Variants in CPSF3 observed in about 807,000 individuals in gnomAD.
CPSF3 encodes the protein cleavage and polyadenylation specific factor 3.
A neutral mutation model predicts 84.1 loss-of-function variants in CPSF3; 57 were observed. The observed-to-expected ratio is 0.68, with a 90% CI of 0.55 to 0.85. The LOEUF (loss-of-function observed/expected upper bound fraction) is 0.85, where lower values mean the gene tolerates loss of function less well. Among genes scored for constraint, CPSF3 ranks in the 40% least tolerant of loss-of-function variants. The pLI is 0.00. For missense variants in CPSF3, 522 were observed against 838.8 expected (o/e 0.62, Z 4.66); for synonymous variants, 275 against 278.1 (o/e 0.99, Z 0.11).
Position 9,456,913 on chromosome 2 carries a change from T to C in CPSF3, c.1604-20T>C, listed in dbSNP as rs750890709. On this transcript the variant is annotated intron_variant, in intron 13 of 17. Transcript: ENST00000238112. ...TTATCAGAAAAGTATATACATCTTA[T>C]AGTTATGTCTTTCTTTCAGGTGATG... 5.0e-6 allele frequency: 7 copies of C among 1,411,150 alleles called. No individual in the cohort carries two copies. Among genetic ancestry groups the C allele is most frequent in the Non-Finnish European group, 6.9e-6 (7 of 1,010,270 alleles). The allele number at this position is 1,411,150 out of a possible 1,614,324, so 87.4% of individuals were successfully genotyped here. A position where few individuals can be genotyped will look rare whatever the true frequency, so the allele number is the denominator to read the frequency against.
intron 13 of CPSF3, among the ~76,000 whole-genome samples, chr2:9,456,330 T>C (rs1290914021): frequency 6.6e-6 from 1 of 152,244 alleles, no homozygotes; most frequent in Non-Finnish European, 1.5e-5. Context: ...AGAGCAAGAA[T>C]ACTTCATATT....
chr2:9,428,897 T>C, intron 2 of CPSF3, 69 bp downstream of exon 2: 4 of 897,224 alleles, frequency 4.5e-6, no homozygotes, highest in South Asian at 1.4e-5. Context: ...TCTTTTCTCA[T>C]AGACTAGTTA....
At chr2:9,424,109 C>T (rs1353226275) in intron 1 of CPSF3, 2 of 1,173,774 alleles carry the variant, frequency 1.7e-6, no homozygotes, top group East Asian at 4.7e-5. Context: ...CTTTCGTACA[C>T]GCTAAGAAGC....
rs1269313521 is a variant in CPSF3 at position 9,438,140 on chromosome 2, C to T, written c.760+1779C>T. Among the ~76,000 whole-genome samples, 3 of 152,216 alleles carry T rather than the reference C, an allele frequency of 2.0e-5. No homozygotes were observed. The South Asian group carries it at 6.2e-4, about 32-fold the overall frequency. On this transcript the variant is annotated intron_variant, in intron 7 of 17. Transcript: ENST00000238112. ...GAGAAAAAATAGTATCCCTGTCACACTGAAAAGGAAAACAGAAGGAAAGTT... is the reference window on the plus strand; with the variant it reads ...GAGAAAAAATAGTATCCCTGTCACATTGAAAAGGAAAACAGAAGGAAAGTT...
chr2:9,436,222 T>C lies in CPSF3; in HGVS notation c.621T>C (p.Tyr207=), dbSNP rs1680776264. The C allele has an allele frequency of 6.2e-7, 1 of 1,602,772 alleles. No individual in the cohort carries two copies. Among genetic ancestry groups the C allele is most frequent in the Non-Finnish European group, 8.5e-7 (1 of 1,175,494 alleles). The change falls in exon 7 of 18, where the codon TAT becomes TAC. Residue 207 remains tyrosine, a synonymous_variant. Coordinates refer to ENST00000238112, the MANE Select transcript of CPSF3 (RefSeq NM_016207.4). The part of the protein sequence containing the change: ...KPDILIIEST[Y]GTHIHEKREE... ...AATGTATTATTTAGGAATCTACTTA[T>C]GGGACCCATATCCATGAGAAACGTG...
At chr2:9,464,677 G>T (rs923186004) in intron 15 of CPSF3, among the ~76,000 whole-genome samples, 2 of 151,922 alleles carry the variant, frequency 1.3e-5, no homozygotes, top group African/African-American at 4.8e-5. Context: ...CTGCAGCCTC[G>T]ACCTCCTGGG....
At chr2:9,428,948 T>C (rs1238522000) in intron 2 of CPSF3, 120 bp downstream of exon 2, 1 of 640,570 alleles carries the variant, frequency 1.6e-6, no homozygotes. Context: ...ACATGTAATC[T>C]ATGCTGTATA....
chr2:9,469,028 G>T (rs929466092), intron 16 of CPSF3, among the ~76,000 whole-genome samples: 10 of 152,164 alleles, frequency 6.6e-5, no homozygotes, highest in Non-Finnish European at 1.3e-4. Flanking sequence ...TATTCTCTGT[G>T]TTGTCATTTT....
Position 9,472,888 on chromosome 2 carries a change from AAC to A in CPSF3, c.1954-26_1954-25del, listed in dbSNP as rs1682230301. On this transcript the variant is annotated intron_variant, in intron 17 of 17. Transcript: ENST00000238112. ...ATATAATCATTATAGACTTAATTCT[AAC>A]AGTCTTGTTTGTGCCTCACTTTCAG... The A allele has an allele frequency of 3.0e-6, 4 of 1,354,160 alleles. No homozygotes were observed. In the South Asian group the frequency reaches 4.7e-5, roughly 16 times the overall value. The allele number at this position is 1,354,160 out of a possible 1,614,324, so 83.9% of individuals were successfully genotyped here.
intron 7 of CPSF3, among the ~76,000 whole-genome samples, chr2:9,437,393 G>A (rs1286451090): frequency 3.1e-5 from 3 of 97,860 alleles, no homozygotes; most frequent in African/African-American, 1.3e-4. Context: ...GACAGAGGGA[G>A]ACTGTCTCAA....
At chr2:9,462,574 G>A (rs1387821773) in intron 15 of CPSF3, among the ~76,000 whole-genome samples, 1 of 152,180 alleles carries the variant, frequency 6.6e-6, no homozygotes, top group South Asian at 2.1e-4. Flanking sequence ...AAGAGGTGCT[G>A]TGGTATGACA....
chr2:9,457,968 A>T (rs1025096440), intron 14 of CPSF3, among the ~76,000 whole-genome samples: 2 of 152,028 alleles, frequency 1.3e-5, no homozygotes, highest in African/African-American at 4.8e-5. Flanking sequence ...ATTGGCCAGG[A>T]TGGTCTTGAA....
chr2:9,468,561 A>C (rs1682049759), intron 16 of CPSF3, among the ~76,000 whole-genome samples: 1 of 151,102 alleles, frequency 6.6e-6, no homozygotes, highest in African/African-American at 2.4e-5. Context: ...CTAGTTTAGA[A>C]GGCTTTTATG....
chr2:9,426,042 A>G (rs1680379088), intron 1 of CPSF3, among the ~76,000 whole-genome samples: 1 of 152,232 alleles, frequency 6.6e-6, no homozygotes, highest in South Asian at 2.1e-4. Context: ...ATTTAGCATA[A>G]TCTTTCCAAG....
At chr2:9,464,723 G>T (rs1226912104) in intron 15 of CPSF3, among the ~76,000 whole-genome samples, 1 of 151,814 alleles carries the variant, frequency 6.6e-6, no homozygotes, top group Admixed American at 6.6e-5. Context: ...CCCACAAGTA[G>T]CTGGGACTAT....
In CPSF3 at chr2:9,472,870, C is replaced by A. The variant is rs1369860686; in HGVS notation, c.1954-46C>A. ...AGTATTCATTTATCTTCTATATAAT[C>A]ATTATAGACTTAATTCTAACAGTCT... On this transcript the variant is annotated intron_variant, in intron 17 of 17. Coordinates refer to ENST00000238112, the MANE Select transcript of CPSF3 (RefSeq NM_016207.4). The A allele has an allele frequency of 4.1e-6, 5 of 1,211,938 alleles. No homozygotes were observed. The African/African-American group carries it at 6.0e-5, about 15-fold the overall frequency. 75.1% of individuals were successfully genotyped at this position (1,211,938 alleles called of 1,614,324 possible). A position where few individuals can be genotyped will look rare whatever the true frequency, so the allele number is the denominator to read the frequency against.
intron 7 of CPSF3, among the ~76,000 whole-genome samples, chr2:9,437,972 A>C (rs550219749): frequency 6.6e-6 from 1 of 152,368 alleles, no homozygotes; most frequent in South Asian, 2.1e-4. Context: ...ACTGCACTCC[A>C]GGGTGGGCGA....
chr2:9,470,916 C>A (rs1410206355), intron 16 of CPSF3, among the ~76,000 whole-genome samples: 2 of 152,154 alleles, frequency 1.3e-5, no homozygotes, highest in Non-Finnish European at 2.9e-5. Context: ...AGAAGCTTGT[C>A]TCAAAAGTAA....
chr2:9,437,437 A>G (rs1404236406), intron 7 of CPSF3, among the ~76,000 whole-genome samples: 4 of 152,052 alleles, frequency 2.6e-5, no homozygotes, highest in South Asian at 2.1e-4. Context: ...AAAAAAAACT[A>G]TATGTACTCT....
Sources: allele counts gnomAD v4.1 joint callset (sites outside exome capture counted in the v4.1 genomes callset), GRCh38; gene constraint gnomAD v4.1.1; transcripts MANE v1.5; gene names NCBI Gene and HGNC (gene_info 2026-07-23, HGNC 2026-07-21).